The following SGCZ variants were observed in gnomAD, a reference collection of about 807,000 sequenced individuals.
The protein encoded by SGCZ is sarcoglycan zeta.
Under a neutral mutation model 41.3 loss-of-function variants are expected in SGCZ, and 40 were observed. That is an observed-to-expected ratio of 0.97 (90% CI 0.75 to 1.26). SGCZ has a LOEUF of 1.26. Among genes scored for constraint, SGCZ ranks in the 50% most tolerant of loss-of-function variants. The probability of loss-of-function intolerance (pLI) is 0.00; values close to 1 mark genes in which losing one functional copy is unlikely to be tolerated. For synonymous variants in SGCZ, 206 were observed against 137.5 expected, an observed-to-expected ratio of 1.50 and a Z score of -3.49; for missense variants, 552 against 369.8, an observed-to-expected ratio of 1.49 and a Z score of -4.04.
chr8:14,709,024 T>A (rs1563216940), intron 1 of SGCZ, among the ~76,000 whole-genome samples: 1 of 152,142 alleles, frequency 6.6e-6, no homozygotes. Flanking sequence ...AACTCTATCA[T>A]TCAGCAGATT....
chr8:14,837,982 A>G (rs1390985292), intron 1 of SGCZ, among the ~76,000 whole-genome samples: 1 of 152,186 alleles, frequency 6.6e-6, no homozygotes, highest in Admixed American at 6.5e-5. Context: ...GTAGTTAGAT[A>G]TACACAATGT....
rs755067824 is a variant in SGCZ at position 14,497,578 on chromosome 8, C to CTG, written c.234+57152_234+57153dup. On this transcript the variant is annotated intron_variant, in intron 2 of 7. Transcript: ENST00000382080. ...TGTGCGTATGTGTGTGTGTGTGTGT[C>CTG]TGTGTGTGTGTGTGTGAGAGAGAGA... Among the ~76,000 whole-genome samples the CTG allele has an allele frequency of 2.2e-3, 336 of 150,876 alleles. 3 individuals carry two copies. Among genetic ancestry groups the CTG allele is most frequent in the African/African-American group, 7.6e-3 (313 of 41,322 alleles).
At chr8:14,541,321 C>G (rs1803460591) in intron 2 of SGCZ, among the ~76,000 whole-genome samples, 1 of 151,868 alleles carries the variant, frequency 6.6e-6, no homozygotes, top group South Asian at 2.1e-4. Context: ...GCCCGGCAGG[C>G]CTTGATATGT....
chr8:14,962,938 G>T (rs1310674812), intron 1 of SGCZ, among the ~76,000 whole-genome samples: 1 of 152,152 alleles, frequency 6.6e-6, no homozygotes, highest in South Asian at 2.1e-4. Context: ...CAGGGGATTA[G>T]CCCTGTTCTA....
chr8:15,005,477 A>C (rs1802581912), intron 1 of SGCZ, among the ~76,000 whole-genome samples: 2 of 151,862 alleles, frequency 1.3e-5, no homozygotes, highest in African/African-American at 4.8e-5. Flanking sequence ...CATTACAGGC[A>C]TGCGCCACCA....
intron 5 of SGCZ, among the ~76,000 whole-genome samples, chr8:14,117,065 A>C (rs898936452): frequency 4.6e-5 from 7 of 152,120 alleles, no homozygotes; most frequent in Admixed American, 4.6e-4. Context: ...TTGCCATAAT[A>C]TCTTTAAAGA....
rs1809188270 is a variant in SGCZ, at chr8:14,702,806, T to C, written c.40-147880A>G. On this transcript the variant is annotated intron_variant, in intron 1 of 7. Coordinates refer to ENST00000382080, the MANE Select transcript of SGCZ (RefSeq NM_139167.4). ...ACAGACAGACAGGCAGACAGGTAGG[T>C]AGTTAGGTAGATAGATAGATAGATA... Among the ~76,000 whole-genome samples, 6 of 132,794 alleles carry C rather than the reference T, an allele frequency of 4.5e-5. 1 individual carries two copies. Among genetic ancestry groups the C allele is most frequent in the African/African-American group, 1.7e-4 (6 of 36,338 alleles). 87.1% of individuals were successfully genotyped at this position (132,794 alleles called of 152,430 possible).
chr8:14,781,918 A>G (rs1321740044), intron 1 of SGCZ, among the ~76,000 whole-genome samples: 1 of 152,176 alleles, frequency 6.6e-6, no homozygotes. Context: ...GAATAGTTGT[A>G]TGGGTATTAA....
At chr8:14,864,740 A>C (rs1291914835) in intron 1 of SGCZ, among the ~76,000 whole-genome samples, 1 of 152,138 alleles carries the variant, frequency 6.6e-6, no homozygotes, top group East Asian at 1.9e-4. Flanking sequence ...CTTTTTGAGG[A>C]TCTCCATACA....
intron 2 of SGCZ, among the ~76,000 whole-genome samples, chr8:14,433,193 C>G (rs1331782671): frequency 6.6e-6 from 1 of 152,106 alleles, no homozygotes; most frequent in East Asian, 1.9e-4. Flanking sequence ...GGAAATGCTA[C>G]CTGGGATTAA....
intron 1 of SGCZ, among the ~76,000 whole-genome samples, chr8:14,871,892 ATATG>A (rs60883491): frequency 0.039 from 5,891 of 150,358 alleles, 272 homozygotes; most frequent in African/African-American, 0.11. Context: ...ATGTATGTAT[ATATG>A]TATGTATGTA....
intron 4 of SGCZ, among the ~76,000 whole-genome samples, chr8:14,197,103 A>G (rs1474930824): frequency 6.6e-6 from 1 of 152,174 alleles, no homozygotes; most frequent in African/African-American, 2.4e-5. Flanking sequence ...GTTTAATATC[A>G]TGTAAATTAA....
At chr8:14,114,171 A>G (rs1164724698) in intron 5 of SGCZ, among the ~76,000 whole-genome samples, 1 of 152,058 alleles carries the variant, frequency 6.6e-6, no homozygotes, top group Non-Finnish European at 1.5e-5. Context: ...ATTCTGCTAC[A>G]TAGTTAAGGA....
chr8:14,733,288 G>A (rs1200218752), intron 1 of SGCZ, among the ~76,000 whole-genome samples: 1 of 152,114 alleles, frequency 6.6e-6, no homozygotes, highest in African/African-American at 2.4e-5. Context: ...TTTTCCTGTT[G>A]ACCTTGTCTC....
intron 1 of SGCZ, among the ~76,000 whole-genome samples, chr8:14,931,434 A>T (rs1000594425): frequency 7.9e-5 from 12 of 152,178 alleles, no homozygotes; most frequent in Admixed American, 7.8e-4. Context: ...CACCTTGGAT[A>T]TATTTACTAG....
At chr8:14,503,912 AC>A (rs1222492920) in intron 2 of SGCZ, among the ~76,000 whole-genome samples, 2 of 152,256 alleles carry the variant, frequency 1.3e-5, no homozygotes, top group Non-Finnish European at 2.9e-5. Context: ...AAATATTATA[AC>A]AAAAAATTGT....
intron 1 of SGCZ, among the ~76,000 whole-genome samples, chr8:15,176,296 A>G (rs1156474943): frequency 1.3e-5 from 2 of 152,110 alleles, no homozygotes; most frequent in Non-Finnish European, 2.9e-5. Flanking sequence ...TCCTTTAGCC[A>G]TAGGATTTTA....
chr8:15,047,565 G>A (rs1023366783), intron 1 of SGCZ, among the ~76,000 whole-genome samples: 1 of 151,984 alleles, frequency 6.6e-6, no homozygotes, highest in African/African-American at 2.4e-5. Flanking sequence ...AATTCACTAA[G>A]AGTTTGAATT....
intron 2 of SGCZ, among the ~76,000 whole-genome samples, chr8:14,419,738 G>A (rs572102814): frequency 6.6e-6 from 1 of 152,060 alleles, no homozygotes; most frequent in Admixed American, 6.6e-5. Context: ...TTGCTTTTGA[G>A]TAATGGTGTG....
Sources: gnomAD v4.1 joint callset for allele counts (sites outside exome capture counted in the v4.1 genomes callset) on GRCh38, gnomAD v4.1.1 for gene constraint, MANE v1.5 for transcripts, NCBI Gene and HGNC (gene_info 2026-07-23, HGNC 2026-07-21) for gene names.